FHIT: variants seen among roughly 807,000 people sequenced by gnomAD.
The protein encoded by FHIT is fragile histidine triad diadenosine triphosphatase.
FHIT carries 19 observed loss-of-function variants against 17.9 expected under a neutral mutation model. The observed-to-expected ratio is 1.06, with a 90% CI of 0.74 to 1.56. FHIT has a LOEUF of 1.56. FHIT is among the 40% of genes most tolerant of loss of function. The pLI, the probability that FHIT is intolerant of heterozygous loss-of-function variation, is 0.00. For missense variants in FHIT, 248 were observed against 189.2 expected (o/e 1.31, Z -1.82); for synonymous variants, 81 against 69.7 (o/e 1.16, Z -0.81).
At chr3:60,045,863 G>A (rs1701633200) in intron 5 of FHIT, among the ~76,000 whole-genome samples, 1 of 152,184 alleles carries the variant, frequency 6.6e-6, no homozygotes, top group South Asian at 2.1e-4. Context: ...GCTTGGAAAG[G>A]CATGGTGAGT....
At chr3:60,473,152 TA>T (rs2033174690) in intron 5 of FHIT, among the ~76,000 whole-genome samples, 1 of 152,234 alleles carries the variant, frequency 6.6e-6, no homozygotes, top group South Asian at 2.1e-4. Flanking sequence ...CAAATAGGTA[TA>T]TGCACTTGAA....
At chr3:59,935,372 T>A (rs1245784635) in intron 7 of FHIT, among the ~76,000 whole-genome samples, 1 of 152,082 alleles carries the variant, frequency 6.6e-6, no homozygotes, top group Non-Finnish European at 1.5e-5. Context: ...TCTCTTTCCT[T>A]TTCTTCCTCT....
chr3:60,834,769 G>A (rs1028604903), intron 3 of FHIT, among the ~76,000 whole-genome samples: 1 of 151,774 alleles, frequency 6.6e-6, no homozygotes, highest in Non-Finnish European at 1.5e-5. Flanking sequence ...AGAGCCTCAG[G>A]CAGGAGAATT....
At chr3:61,230,148 A>G (rs149307578) in intron 1 of FHIT, among the ~76,000 whole-genome samples, 5 of 152,316 alleles carry the variant, frequency 3.3e-5, no homozygotes, top group Admixed American at 1.3e-4. Context: ...AAAGACTTGG[A>G]TCAATGAGAT....
intron 3 of FHIT, among the ~76,000 whole-genome samples, chr3:60,839,319 G>T (rs1702639437): frequency 6.6e-6 from 1 of 151,946 alleles, no homozygotes; most frequent in Admixed American, 6.5e-5. Flanking sequence ...GCCAATAAAA[G>T]TAAAAGACTC....
chr3:60,435,346 A>G (rs760825532), intron 5 of FHIT, among the ~76,000 whole-genome samples: 3 of 152,132 alleles, frequency 2.0e-5, no homozygotes, highest in Admixed American at 6.6e-5. Flanking sequence ...AAAAATTCAG[A>G]TATGATGGCA....
chr3:60,218,661 G>C (rs776049686), intron 5 of FHIT, among the ~76,000 whole-genome samples: 2 of 152,000 alleles, frequency 1.3e-5, no homozygotes, highest in Non-Finnish European at 2.9e-5. Context: ...GTGAATATGT[G>C]CTCAATACTA....
rs1324754082 is a variant in FHIT at position 60,671,822 on chromosome 3, C to T, written c.-17-134843G>A. 2.0e-5 allele frequency among the ~76,000 whole-genome samples: 3 copies of T among 150,286 alleles called. No individual in the cohort carries two copies. The East Asian group carries it at 5.9e-4, about 29-fold the overall frequency. On this transcript the variant is annotated intron_variant, in intron 4 of 9. Transcript: ENST00000492590. Reference sequence around the variant, plus strand: ...AAAATTAGCCGGGTGTAGTGGCAGGCACCTGTAATCCCAGCTACTTGGCAG... The same window carrying T: ...AAAATTAGCCGGGTGTAGTGGCAGGTACCTGTAATCCCAGCTACTTGGCAG...
At chr3:60,559,275 G>T (rs2036848805) in intron 4 of FHIT, among the ~76,000 whole-genome samples, 1 of 152,158 alleles carries the variant, frequency 6.6e-6, no homozygotes, top group Non-Finnish European at 1.5e-5. Flanking sequence ...CTAGAGGCAT[G>T]CATTTCTATA....
intron 5 of FHIT, among the ~76,000 whole-genome samples, chr3:60,021,867 C>A (rs185250986): frequency 6.6e-6 from 1 of 152,202 alleles, no homozygotes; most frequent in Admixed American, 6.5e-5. Context: ...CCTGCTTCCA[C>A]GGGATGCTGT....
chr3:59,773,051 C>T (rs1702145067), intron 8 of FHIT, among the ~76,000 whole-genome samples: 1 of 152,216 alleles, frequency 6.6e-6, no homozygotes. Flanking sequence ...ATGCTCATCT[C>T]CCTCCTCTGA....
At chr3:60,023,792 T>A (rs1028333560) in intron 5 of FHIT, among the ~76,000 whole-genome samples, 14 of 152,156 alleles carry the variant, frequency 9.2e-5, no homozygotes, top group African/African-American at 3.4e-4. Context: ...GAGCTTAACA[T>A]AGCATTGGCC....
intron 8 of FHIT, among the ~76,000 whole-genome samples, chr3:59,865,566 G>C (rs1018717674): frequency 2.0e-5 from 3 of 152,238 alleles, no homozygotes; most frequent in Admixed American, 6.5e-5. Context: ...GGTGCCAAAT[G>C]GGATTCTAGG....
chr3:59,976,042 G>A (rs1042222605), intron 7 of FHIT, among the ~76,000 whole-genome samples: 1 of 152,078 alleles, frequency 6.6e-6, no homozygotes, highest in African/African-American at 2.4e-5. Flanking sequence ...TCACTTATAA[G>A]CTTAGTGACC....
intron 5 of FHIT, among the ~76,000 whole-genome samples, chr3:60,501,251 C>T (rs550824302): frequency 9.9e-5 from 15 of 152,244 alleles, no homozygotes; most frequent in South Asian, 4.1e-4. Flanking sequence ...TTTCAATATA[C>T]GTTTAATGTT....
chr3:60,480,906 C>T (rs1469407143), intron 5 of FHIT, among the ~76,000 whole-genome samples: 1 of 152,188 alleles, frequency 6.6e-6, no homozygotes, highest in Non-Finnish European at 1.5e-5. Context: ...GATGGTGGCC[C>T]TCTTCTCACA....
chr3:60,920,508 A>G (rs6791911), intron 3 of FHIT, among the ~76,000 whole-genome samples: 90,566 of 151,630 alleles, frequency 0.6, 27,302 homozygotes, highest in East Asian at 0.72. Flanking sequence ...CAGGGAATAG[A>G]CAGTAAAGGC....
chr3:59,890,100 T>A (rs533661310), intron 8 of FHIT, among the ~76,000 whole-genome samples: 3 of 152,286 alleles, frequency 2.0e-5, no homozygotes, highest in Admixed American at 6.5e-5. Flanking sequence ...GATATAGAGA[T>A]GGGATGATAT....
intron 5 of FHIT, among the ~76,000 whole-genome samples, chr3:60,033,091 T>C (rs2106794365): frequency 6.6e-6 from 1 of 152,200 alleles, no homozygotes; most frequent in Middle Eastern, 3.4e-3. Context: ...TAACCTAATA[T>C]AAGGTGTGGA....
Sources: gnomAD v4.1 joint callset for allele counts (sites outside exome capture counted in the v4.1 genomes callset) on GRCh38, gnomAD v4.1.1 for gene constraint, MANE v1.5 for transcripts, NCBI Gene and HGNC (gene_info 2026-07-23, HGNC 2026-07-21) for gene names.